Variants in PCDHA11 observed in about 807,000 individuals in gnomAD.
PCDHA11 encodes the protein protocadherin alpha-11.
In PCDHA11, 61 loss-of-function variants were observed where a neutral mutation model predicts 70.3. The ratio of observed to expected loss-of-function variants is 0.87; its 90% CI spans 0.71 to 1.07. The LOEUF is 1.07. PCDHA11 is among the 50% of genes least tolerant of loss of function. The pLI is 0.00. For missense variants in PCDHA11, 1,324 were observed against 1,237.5 expected (o/e 1.07, Z -1.05); for synonymous variants, 633 against 555.1 (o/e 1.14, Z -1.97).
intron 1 of PCDHA11, among the ~76,000 whole-genome samples, chr5:140,917,823 G>A (rs1167187844): frequency 6.6e-5 from 10 of 151,920 alleles, no homozygotes; most frequent in African/African-American, 1.9e-4. Context: ...AAGTTGGGTA[G>A]TGTGATGTCC....
intron 1 of PCDHA11, chr5:140,927,345 C>G (rs1391320223): frequency 1.2e-6 from 2 of 1,614,012 alleles, no homozygotes. Context: ...CCCAAGATGA[C>G]GACGAGGGAA....
chr5:140,887,565 T>C (rs1214384060), intron 1 of PCDHA11, among the ~76,000 whole-genome samples: 2 of 152,180 alleles, frequency 1.3e-5, no homozygotes, highest in Admixed American at 1.3e-4. Context: ...TTAAAACTTT[T>C]CTTTTTATCC....
chr5:140,947,551 C>G (rs1203978810), intron 1 of PCDHA11, among the ~76,000 whole-genome samples: 3 of 151,488 alleles, frequency 2.0e-5, no homozygotes, highest in Non-Finnish European at 4.4e-5. Context: ...AAGAATTCCG[C>G]TGGGATTTAT....
chr5:140,934,684 A>C (rs1026507859), intron 1 of PCDHA11, among the ~76,000 whole-genome samples: 9 of 152,178 alleles, frequency 5.9e-5, no homozygotes, highest in Non-Finnish European at 1.3e-4. Flanking sequence ...TATTCAAAAC[A>C]ATGAATTGAT....
chr5:140,888,263 A>G (rs1251792046), intron 1 of PCDHA11, among the ~76,000 whole-genome samples: 1 of 152,136 alleles, frequency 6.6e-6, no homozygotes, highest in East Asian at 1.9e-4. Flanking sequence ...GTTCTTGATA[A>G]GAAACAGTTT....
chr5:140,999,363 A>G (rs772527438), intron 3 of PCDHA11, among the ~76,000 whole-genome samples: 1 of 152,198 alleles, frequency 6.6e-6, no homozygotes, highest in Non-Finnish European at 1.5e-5. Flanking sequence ...AATGTTCACA[A>G]TCCCATTAGA....
At position 140,879,675 on chromosome 5, in the gene PCDHA11, G is replaced by T. The variant is rs141369145; in HGVS notation, c.2391+8181G>T. ...TATAACAAACGAACACAAACTGGGT[G>T]CTGTAAAACAGCAAAAGTTTATTAT... On this transcript the variant is annotated intron_variant, in intron 1 of 3. Transcript: ENST00000398640. 5.3e-5 allele frequency among the ~76,000 whole-genome samples: 8 copies of T among 152,360 alleles called. No homozygotes were observed. The East Asian group carries it at 1.3e-3, about 26-fold the overall frequency.
chr5:140,978,794 TG>T (rs1179958432), intron 1 of PCDHA11, 154 bp from the exon 2 acceptor site: 8 of 978,628 alleles, frequency 8.2e-6, no homozygotes, highest in Non-Finnish European at 9.7e-6. Context: ...GTGCTATATA[TG>T]TAGATATCAT....
At chr5:140,984,784 A>G (rs1022121650) in intron 3 of PCDHA11, among the ~76,000 whole-genome samples, 4 of 152,168 alleles carry the variant, frequency 2.6e-5, no homozygotes, top group Non-Finnish European at 4.4e-5. Context: ...TTGCTGGGTG[A>G]GCATAGACAA....
At chr5:140,896,099 C>T (rs1395621401) in intron 1 of PCDHA11, among the ~76,000 whole-genome samples, 1 of 152,236 alleles carries the variant, frequency 6.6e-6, no homozygotes, top group Non-Finnish European at 1.5e-5. Context: ...GCGTGAGCCA[C>T]TGTGCCTGGC....
Position 140,869,052 on chromosome 5 carries a change from T to G in PCDHA11, c.-52T>G. ...AGATTTTTAACCTGAAACTGAAGAA[T>G]CTGGTACTGTAAGTGTAAAGAAGCT... On this transcript the variant is annotated 5_prime_UTR_variant, in exon 1 of 4. Transcript: ENST00000398640. 6.5e-7 allele frequency: 1 copy of G among 1,543,852 alleles called. No individual in the cohort carries two copies.
chr5:140,897,727 T>G (rs1468942464), intron 1 of PCDHA11, among the ~76,000 whole-genome samples: 1 of 152,148 alleles, frequency 6.6e-6, no homozygotes, highest in Non-Finnish European at 1.5e-5. Context: ...CTGGGTCAAA[T>G]AGTATTTCTA....
intron 1 of PCDHA11, chr5:140,926,986 C>A (rs782199565): frequency 8.1e-6 from 13 of 1,610,594 alleles, no homozygotes; most frequent in Non-Finnish European, 2.5e-6. Flanking sequence ...GGAGACGGAG[C>A]GGGGCGTAGC....
At chr5:140,941,381 A>G (rs2093056743) in intron 1 of PCDHA11, among the ~76,000 whole-genome samples, 1 of 128,140 alleles carries the variant, frequency 7.8e-6, no homozygotes, top group Non-Finnish European at 1.6e-5. Context: ...TAGTGACAGG[A>G]TTTTGGCTCA....
At chr5:140,935,767 T>C (rs1373324342) in intron 1 of PCDHA11, among the ~76,000 whole-genome samples, 2 of 152,184 alleles carry the variant, frequency 1.3e-5, no homozygotes, top group Non-Finnish European at 2.9e-5. Flanking sequence ...TCTTCCCCAC[T>C]TTGAGTTTTT....
chr5:140,968,323 C>G, intron 1 of PCDHA11: 1 of 1,614,114 alleles, frequency 6.2e-7, no homozygotes, highest in Non-Finnish European at 8.5e-7. Flanking sequence ...TGCCAGTCAC[C>G]TCCTATGTCT....
At chr5:140,941,202 C>CTTTTCTTTCTTCCTTTCTTT (rs1554213921) in intron 1 of PCDHA11, among the ~76,000 whole-genome samples, 1 of 122,742 alleles carries the variant, frequency 8.1e-6, no homozygotes, top group Non-Finnish European at 1.8e-5. Flanking sequence ...TTTCTTTCTT[C>CTTTTCTTTCTTCCTTTCTTT]CTTTCTTTCT....
At chr5:140,958,597 G>A (rs551005076) in intron 1 of PCDHA11, among the ~76,000 whole-genome samples, 60 of 152,170 alleles carry the variant, frequency 3.9e-4, no homozygotes, top group African/African-American at 1.4e-3. Context: ...ATGATAATTG[G>A]ATCAAAGGAA....
intron 1 of PCDHA11, among the ~76,000 whole-genome samples, chr5:140,910,535 T>G (rs2153515129): frequency 6.6e-6 from 1 of 152,274 alleles, no homozygotes; most frequent in African/African-American, 2.4e-5. Flanking sequence ...CCCTCACAAA[T>G]CTATTTTGCA....
Sources: allele counts gnomAD v4.1 joint callset (sites outside exome capture counted in the v4.1 genomes callset), GRCh38; gene constraint gnomAD v4.1.1; transcripts MANE v1.5; gene names NCBI Gene and HGNC (gene_info 2026-07-23, HGNC 2026-07-21).